SV2B: variants seen among roughly 807,000 people sequenced by gnomAD.
The protein encoded by SV2B is synaptic vesicle glycoprotein 2B, also known as solute carrier family 22 member B2.
Under a neutral mutation model 73.9 loss-of-function variants are expected in SV2B, and 41 were observed. The observed-to-expected ratio is 0.56, with a 90% CI of 0.43 to 0.72. The LOEUF (loss-of-function observed/expected upper bound fraction) is 0.72. Ranked by LOEUF, SV2B falls within the 30% of genes least tolerant of loss-of-function variation. The probability of loss-of-function intolerance (pLI) is 0.00; values close to 1 mark genes in which losing one functional copy is unlikely to be tolerated. For synonymous variants in SV2B, 314 were observed against 314.2 expected, an observed-to-expected ratio of 1.00 and a Z score of 0.01; for missense variants, 764 against 857.8, an observed-to-expected ratio of 0.89 and a Z score of 1.37.
rs1278554938 is a variant in SV2B at position 91,242,622 on chromosome 15, A to G, written c.452-9197A>G. Among the ~76,000 whole-genome samples the G allele has an allele frequency of 6.6e-6, 1 of 152,104 alleles. No individual in the cohort carries two copies. Among genetic ancestry groups the G allele is most frequent in the Non-Finnish European group, 1.5e-5 (1 of 68,010 alleles). ...AGATAGAGGAAAGAGCAGTGTGAAG[A>G]CTCTGAGGTGGGAGAGAGCATAGGA... On this transcript the variant is annotated intron_variant, in intron 2 of 12. Coordinates refer to ENST00000394232, the MANE Select transcript of SV2B (RefSeq NM_001323032.3). The surrounding 1 kb of genome is among the most constrained non-coding windows in gnomAD (Gnocchi z 4.9).
At chr15:91,276,770 T>A (rs918438448) in intron 9 of SV2B, among the ~76,000 whole-genome samples, 3 of 149,956 alleles carry the variant, frequency 2.0e-5, no homozygotes, top group Non-Finnish European at 3.0e-5. Context: ...TTAAATTCCC[T>A]GCCTGATAGT....
chr15:91,140,308 C>A lies in SV2B; in HGVS notation c.-392+39945C>A, dbSNP rs1300798271. On this transcript the variant is annotated intron_variant, in intron 1 of 12. Transcript: ENST00000394232. The surrounding 1 kb of genome is among the most constrained non-coding windows in gnomAD (Gnocchi z 4.4). ...TACCAGGTAATTCTATAAATAAAGT[C>A]TAATAAAAGTCATTCATCAATTATC... Among the ~76,000 whole-genome samples the A allele has an allele frequency of 2.0e-5, 3 of 152,098 alleles. No individual in the cohort carries two copies. Among genetic ancestry groups the A allele is most frequent in the Non-Finnish European group, 4.4e-5 (3 of 68,022 alleles).
chr15:91,283,958 T>C lies in SV2B; in HGVS notation c.1508-63T>C. The C allele has an allele frequency of 6.4e-7, 1 of 1,571,170 alleles. No individual in the cohort carries two copies. The highest frequency in any genetic ancestry group is 1.1e-5 in the South Asian group (1 of 89,188). On this transcript the variant is annotated intron_variant, in intron 10 of 12. Coordinates refer to ENST00000394232, the MANE Select transcript of SV2B (RefSeq NM_001323032.3). This position sits in a 1 kb window ranked among gnomAD's most constrained non-coding sequence, Gnocchi z 4.3. ...GGAGGGGGCAGACTTCATCCCTGCCTCTGCCTTTCTCTCTCCAGCTCCCTT... is the reference window on the plus strand; with the variant it reads ...GGAGGGGGCAGACTTCATCCCTGCCCCTGCCTTTCTCTCTCCAGCTCCCTT...
chr15:91,120,833 A>C (rs1443590622), intron 1 of SV2B, among the ~76,000 whole-genome samples: 1 of 151,690 alleles, frequency 6.6e-6, no homozygotes, highest in East Asian at 1.9e-4. Flanking sequence ...AAAAGAAAGA[A>C]AAAGTAAAAG....
chr15:91,154,268 G>A (rs748838335), intron 1 of SV2B, among the ~76,000 whole-genome samples: 28 of 151,852 alleles, frequency 1.8e-4, no homozygotes, highest in Non-Finnish European at 3.8e-4. Flanking sequence ...TCTCTGGAAA[G>A]AGACTATTTG....
intron 6 of SV2B, among the ~76,000 whole-genome samples, chr15:91,263,025 G>A (rs2047965876): frequency 1.3e-5 from 2 of 152,322 alleles, no homozygotes; most frequent in South Asian, 2.1e-4. Context: ...CACATTGGCT[G>A]GATTGGTTTT....
chr15:91,181,114 C>G (rs1205462478), intron 1 of SV2B, among the ~76,000 whole-genome samples: 1 of 152,208 alleles, frequency 6.6e-6, no homozygotes, highest in Non-Finnish European at 1.5e-5. Flanking sequence ...TTCTAACAGA[C>G]AGGACCCTCA....
At chr15:91,185,455 C>T (rs1433161069) in intron 1 of SV2B, among the ~76,000 whole-genome samples, 4 of 152,068 alleles carry the variant, frequency 2.6e-5, no homozygotes, top group African/African-American at 7.2e-5. Flanking sequence ...TAAGGTATCC[C>T]GCTGTCTCCA....
Position 91,223,365 on chromosome 15 carries a change from A to G in SV2B, c.-391-2508A>G, listed in dbSNP as rs1450347020. ...TTAAATGAAATAGAAATGAACACTC[A>G]CTGGACAGTGATTCCCCTTTACTCC... On this transcript the variant is annotated intron_variant, in intron 1 of 12. Transcript: ENST00000394232. The surrounding 1 kb of genome is among the most constrained non-coding windows in gnomAD (Gnocchi z 4.6). 6.6e-6 allele frequency among the ~76,000 whole-genome samples: 1 copy of G among 152,240 alleles called. No homozygotes were observed. Among genetic ancestry groups the G allele is most frequent in the African/African-American group, 2.4e-5 (1 of 41,462 alleles).
chr15:91,248,693 A>G (rs1275424643), intron 2 of SV2B, among the ~76,000 whole-genome samples: 1 of 152,180 alleles, frequency 6.6e-6, no homozygotes, highest in African/African-American at 2.4e-5. Context: ...TGTGGTCCCC[A>G]GACCAGCAGC....
At chr15:91,215,085 G>A (rs1350846381) in intron 1 of SV2B, among the ~76,000 whole-genome samples, 1 of 152,188 alleles carries the variant, frequency 6.6e-6, no homozygotes, top group Non-Finnish European at 1.5e-5. Flanking sequence ...TCCTCTTGGA[G>A]AGCTCACATT....
intron 1 of SV2B, among the ~76,000 whole-genome samples, chr15:91,183,536 A>G (rs769046119): frequency 1.3e-5 from 2 of 152,176 alleles, no homozygotes; most frequent in Non-Finnish European, 1.5e-5. Context: ...TTTGAGACCT[A>G]TTTCCCCAAA....
rs2042606804 is a variant in SV2B at position 91,130,438 on chromosome 15, A to C, written c.-392+30075A>C. Among the ~76,000 whole-genome samples, 1 of 152,160 alleles carries C rather than the reference A, an allele frequency of 6.6e-6. No individual in the cohort carries two copies. The highest frequency in any genetic ancestry group is 6.5e-5 in the Admixed American group (1 of 15,272). On this transcript the variant is annotated intron_variant, in intron 1 of 12. Coordinates refer to ENST00000394232, the MANE Select transcript of SV2B (RefSeq NM_001323032.3). This position sits in a 1 kb window ranked among gnomAD's most constrained non-coding sequence, Gnocchi z 5.6. ...CAGGGAGACAGAATAGAAGCAGAAAATCTCATGCTAGAACCATAGAGAAGA... is the reference window on the plus strand; with the variant it reads ...CAGGGAGACAGAATAGAAGCAGAAACTCTCATGCTAGAACCATAGAGAAGA...
At chr15:91,264,771 C>T (rs776499788) in intron 6 of SV2B, among the ~76,000 whole-genome samples, 9 of 152,174 alleles carry the variant, frequency 5.9e-5, no homozygotes, top group Admixed American at 2.6e-4. Context: ...TCCTCATTTT[C>T]GGGGTGGGAG....
At chr15:91,112,411 A>T (rs369781472) in intron 1 of SV2B, among the ~76,000 whole-genome samples, 3 of 152,326 alleles carry the variant, frequency 2.0e-5, no homozygotes, top group African/African-American at 7.2e-5. Context: ...TTGGTCACAG[A>T]TCTCCATCCA....
At chr15:91,276,709 C>G (rs555900773) in intron 9 of SV2B, among the ~76,000 whole-genome samples, 1 of 151,422 alleles carries the variant, frequency 6.6e-6, no homozygotes, top group African/African-American at 2.4e-5. Flanking sequence ...ACTGCTCATG[C>G]GTGTTAACCA....
Position 91,281,724 on chromosome 15 carries a change from A to G in SV2B, c.1374-4A>G. Reference sequence around the variant, plus strand: ...ATCACTCAAGGGTCAACCTCTTCCCACAGGTTCACAAGAATGTACTTTAAA... The same window carrying G: ...ATCACTCAAGGGTCAACCTCTTCCCGCAGGTTCACAAGAATGTACTTTAAA... On this transcript the variant is annotated splice_polypyrimidine_tract_variant and splice_region_variant and intron_variant, in intron 9 of 12. Coordinates refer to ENST00000394232, the MANE Select transcript of SV2B (RefSeq NM_001323032.3). The surrounding 1 kb of genome is among the most constrained non-coding windows in gnomAD (Gnocchi z 4.7). 6.3e-7 allele frequency: 1 copy of G among 1,593,616 alleles called. No individual in the cohort carries two copies. Among genetic ancestry groups the G allele is most frequent in the Non-Finnish European group, 8.6e-7 (1 of 1,166,132 alleles).
At chr15:91,190,420 G>A (rs1246151333) in intron 1 of SV2B, among the ~76,000 whole-genome samples, 2 of 151,656 alleles carry the variant, frequency 1.3e-5, no homozygotes, top group South Asian at 2.1e-4. Flanking sequence ...GTAAAAATGC[G>A]CATTATTTTT....
In SV2B at chr15:91,242,391, C is replaced by A. The variant is rs2047054540; in HGVS notation, c.452-9428C>A. Reference sequence around the variant, plus strand: ...GCATCCAGAATCCAGCCACTTCTTACCACTTTCCTCTACCTACCAACCTGG... The same window carrying A: ...GCATCCAGAATCCAGCCACTTCTTAACACTTTCCTCTACCTACCAACCTGG... On this transcript the variant is annotated intron_variant, in intron 2 of 12. Transcript: ENST00000394232. This position sits in a 1 kb window ranked among gnomAD's most constrained non-coding sequence, Gnocchi z 4.9. 6.6e-6 allele frequency among the ~76,000 whole-genome samples: 1 copy of A among 152,192 alleles called. No individual in the cohort carries two copies. Among genetic ancestry groups the A allele is most frequent in the African/African-American group, 2.4e-5 (1 of 41,438 alleles).
Sources: allele counts gnomAD v4.1 joint callset (sites outside exome capture counted in the v4.1 genomes callset), GRCh38; gene constraint gnomAD v4.1.1; non-coding constraint Gnocchi (gnomAD v3.1); transcripts MANE v1.5; gene names NCBI Gene and HGNC (gene_info 2026-07-23, HGNC 2026-07-21).